SMIM13: variants seen among roughly 807,000 people sequenced by gnomAD.
The protein encoded by SMIM13 is UPF0766 protein C6orf228.
SMIM13 carries 3 observed loss-of-function variants against 5.9 expected under a neutral mutation model. That is an observed-to-expected ratio of 0.51 (90% confidence interval 0.23 to 1.31). The LOEUF (loss-of-function observed/expected upper bound fraction) is 1.31, where lower values mean the gene tolerates loss of function less well. Ranked by LOEUF, SMIM13 falls within the 40% of genes most tolerant of loss-of-function variation. The probability of loss-of-function intolerance (pLI) is 0.18; values close to 1 mark genes in which losing one functional copy is unlikely to be tolerated. For missense variants in SMIM13, 85 were observed against 109.9 expected (o/e 0.77, Z 1.01); for synonymous variants, 55 against 46.0 (o/e 1.19, Z -0.79).
chr6:11,117,165 A>ATTTTTTTTTTTTT (rs34579750), intron 1 of SMIM13, among the ~76,000 whole-genome samples: 1 of 69,032 alleles, frequency 1.4e-5, no homozygotes, highest in African/African-American at 5.4e-5. Context: ...TAATTTTTGT[A>ATTTTTTTTTTTTT]TTTTTTTTTT....
chr6:11,104,430 G>A, intron 1 of SMIM13: 1 of 1,551,680 alleles, frequency 6.4e-7, no homozygotes, highest in Non-Finnish European at 8.7e-7. Context: ...GGCTCCTTGA[G>A]TTTTAAGGCA....
chr6:11,120,253 G>A (rs1347287544), intron 1 of SMIM13, among the ~76,000 whole-genome samples: 1 of 152,172 alleles, frequency 6.6e-6, no homozygotes, highest in Non-Finnish European at 1.5e-5. Flanking sequence ...GTCTTAATCG[G>A]TTTGGGCTGC....
chr6:11,121,200 G>A lies in SMIM13; in HGVS notation c.77-13203G>A, dbSNP rs367543673. On this transcript the variant is annotated intron_variant, in intron 1 of 1. Coordinates refer to ENST00000416247, the MANE Select transcript of SMIM13 (RefSeq NM_001135575.2). ...ACTGCAAAACCCATCTTAACAATCA[G>A]TATATTGTGGACTGTACTTTGCCCC... 8.9e-4 allele frequency among the ~76,000 whole-genome samples: 136 copies of A among 152,294 alleles called. 3 individuals carry two copies. In the South Asian group the frequency reaches 0.019, roughly 22 times the overall value.
intron 1 of SMIM13, among the ~76,000 whole-genome samples, chr6:11,119,729 CAGAAGA>C (rs370067731): frequency 5.3e-5 from 8 of 151,938 alleles, no homozygotes; most frequent in African/African-American, 1.7e-4. Flanking sequence ...TTGTGATCAC[CAGAAGA>C]AGAAGAAGAG....
chr6:11,125,922 ATC>A (rs1164626635), intron 1 of SMIM13, among the ~76,000 whole-genome samples: 1 of 151,640 alleles, frequency 6.6e-6, no homozygotes, highest in African/African-American at 2.4e-5. Context: ...TTGTACCCTA[ATC>A]TCTCTCTCTA....
intron 1 of SMIM13, among the ~76,000 whole-genome samples, chr6:11,094,692 T>C (rs997428448): frequency 6.6e-6 from 1 of 152,146 alleles, no homozygotes; most frequent in Non-Finnish European, 1.5e-5. Context: ...GCTGCCCAGA[T>C]TGTAACCTTG....
intron 1 of SMIM13, among the ~76,000 whole-genome samples, chr6:11,130,722 C>T (rs1456441840): frequency 6.6e-6 from 1 of 152,178 alleles, no homozygotes; most frequent in Non-Finnish European, 1.5e-5. Flanking sequence ...TGTGATCTAG[C>T]TGAATGCTCT....
chr6:11,114,235 CT>C (rs752473035), intron 1 of SMIM13, among the ~76,000 whole-genome samples: 32 of 152,130 alleles, frequency 2.1e-4, no homozygotes, highest in Admixed American at 1.2e-3. Flanking sequence ...CTGCCTCGCC[CT>C]CCCAAAGTGT....
intron 1 of SMIM13, among the ~76,000 whole-genome samples, chr6:11,127,156 C>T (rs1460733077): frequency 2.0e-5 from 3 of 152,200 alleles, no homozygotes; most frequent in Non-Finnish European, 4.4e-5. Flanking sequence ...TACGTTTGCT[C>T]AAGGCCCAAG....
At chr6:11,132,040 G>A (rs1429657663) in intron 1 of SMIM13, among the ~76,000 whole-genome samples, 1 of 152,060 alleles carries the variant, frequency 6.6e-6, no homozygotes, top group Non-Finnish European at 1.5e-5. Flanking sequence ...GCATCTAATA[G>A]CTAGAATATA....
At chr6:11,107,958 T>A (rs1581913676) in intron 1 of SMIM13, among the ~76,000 whole-genome samples, 1 of 152,342 alleles carries the variant, frequency 6.6e-6, no homozygotes, top group East Asian at 1.9e-4. Context: ...CTGTTATTCC[T>A]GAGGCCCAGA....
Position 11,138,439 on chromosome 6 carries a change from G to A in SMIM13, c.*3837G>A, listed in dbSNP as rs1163080642. 1 of 152,114 alleles carries A rather than the reference G, an allele frequency of 6.6e-6. No homozygotes were observed. The highest frequency in any genetic ancestry group is 2.4e-5 in the African/African-American group (1 of 41,416). 9.4% of individuals were successfully genotyped at this position (152,114 alleles called of 1,614,324 possible). A position where few individuals can be genotyped will look rare whatever the true frequency, so the allele number is the denominator to read the frequency against. On this transcript the variant is annotated 3_prime_UTR_variant, in exon 2 of 2. Coordinates refer to ENST00000416247, the MANE Select transcript of SMIM13 (RefSeq NM_001135575.2). ...ACACGATCCTCCAAGTTGGTTCTAT[G>A]CATAACCATTCACCAAATACTGCTG...
At chr6:11,100,712 C>T (rs1360725737) in intron 1 of SMIM13, among the ~76,000 whole-genome samples, 3 of 151,958 alleles carry the variant, frequency 2.0e-5, no homozygotes, top group Non-Finnish European at 4.4e-5. Context: ...TACCTTTATA[C>T]TTGATTGATA....
intron 1 of SMIM13, among the ~76,000 whole-genome samples, chr6:11,108,010 T>C (rs1314496580): frequency 6.6e-6 from 1 of 152,132 alleles, no homozygotes; most frequent in East Asian, 1.9e-4. Flanking sequence ...TTCATCCTTG[T>C]GTATGGTTTC....
chr6:11,105,288 A>G, intron 1 of SMIM13: 1 of 1,613,748 alleles, frequency 6.2e-7, no homozygotes, highest in South Asian at 1.1e-5. Flanking sequence ...CGTGAGAATG[A>G]GAACCAGCAG....
At position 11,104,766 on chromosome 6, in the gene SMIM13, T is replaced by C. The variant is rs757819098; in HGVS notation, c.76+10377T>C. On this transcript the variant is annotated intron_variant, in intron 1 of 1. Transcript: ENST00000416247. ...GCTGGATTTATCTAGCAAAGTTCCC[T>C]GAGGAAAAGTAATATTTGGAGGTTT... 7.4e-6 allele frequency: 12 copies of C among 1,614,094 alleles called. No homozygotes were observed. The South Asian group carries it at 7.7e-5, about 10-fold the overall frequency.
At chr6:11,104,509 C>A (rs1439871564) in intron 1 of SMIM13, 1 of 1,561,078 alleles carries the variant, frequency 6.4e-7, no homozygotes, top group Non-Finnish European at 8.7e-7. Context: ...GCTGATATGC[C>A]CAGGTAGCTG....
Position 11,136,470 on chromosome 6 carries a change from T to A in SMIM13, c.*1868T>A, listed in dbSNP as rs1408014079. On this transcript the variant is annotated 3_prime_UTR_variant, in exon 2 of 2. Transcript: ENST00000416247. ...GTCATCACAAAATATCTATTTAACC[T>A]CTATTTTATGATGGTGTGTTATTAT... The A allele has an allele frequency of 6.6e-6, 1 of 152,218 alleles. No homozygotes were observed. The highest frequency in any genetic ancestry group is 2.4e-5 in the African/African-American group (1 of 41,450). 9.4% of individuals were successfully genotyped at this position (152,218 alleles called of 1,614,324 possible).
intron 1 of SMIM13, among the ~76,000 whole-genome samples, chr6:11,132,626 A>G (rs868550359): frequency 2.6e-5 from 4 of 152,200 alleles, no homozygotes; most frequent in Non-Finnish European, 5.9e-5. Context: ...TTACAACACA[A>G]TGGACACACC....
Sources: gnomAD v4.1 joint callset for allele counts (sites outside exome capture counted in the v4.1 genomes callset) on GRCh38, gnomAD v4.1.1 for gene constraint, MANE v1.5 for transcripts, NCBI Gene and HGNC (gene_info 2026-07-23, HGNC 2026-07-21) for gene names.